Variants in ZCCHC4 observed in about 807,000 individuals in gnomAD.
The protein encoded by ZCCHC4 is zinc finger CCHC-type containing 4, also known as rRNA N(6)-adenosine-methyltransferase ZCCHC4.
ZCCHC4 carries 54 observed loss-of-function variants against 67.7 expected under a neutral mutation model. The observed-to-expected ratio is 0.80, with a 90% confidence interval of 0.64 to 1.00. The LOEUF (loss-of-function observed/expected upper bound fraction) is 1.00, where lower values mean the gene tolerates loss of function less well. Ranked by LOEUF, ZCCHC4 falls within the 50% of genes least tolerant of loss-of-function variation. ZCCHC4 has a pLI of 0.00. For synonymous variants in ZCCHC4, 198 were observed against 213.5 expected (o/e 0.93, Z 0.63); for missense variants, 609 against 617.0 (o/e 0.99, Z 0.14).
At chr4:25,317,103 T>G (rs1171913511) in intron 3 of ZCCHC4, among the ~76,000 whole-genome samples, 1 of 152,222 alleles carries the variant, frequency 6.6e-6, no homozygotes, top group African/African-American at 2.4e-5. Flanking sequence ...TGGGAGAAGC[T>G]CCTTAAAAAG....
chr4:25,313,281 T>C (rs1028612308), intron 1 of ZCCHC4, among the ~76,000 whole-genome samples: 1 of 152,144 alleles, frequency 6.6e-6, no homozygotes, highest in Non-Finnish European at 1.5e-5. Flanking sequence ...AATAAAAAAT[T>C]AGGGAGAAAA....
At chr4:25,340,542 G>A (rs1313574525) in intron 5 of ZCCHC4, among the ~76,000 whole-genome samples, 2 of 152,114 alleles carry the variant, frequency 1.3e-5, no homozygotes, top group Non-Finnish European at 2.9e-5. Context: ...AGCCAGCTGA[G>A]ATTTTTAAAG....
chr4:25,323,093 C>T (rs947965814), intron 3 of ZCCHC4, among the ~76,000 whole-genome samples: 9 of 152,332 alleles, frequency 5.9e-5, no homozygotes, highest in Middle Eastern at 3.4e-3. Context: ...TATTAGCCGG[C>T]AATAAACCAT....
At chr4:25,356,547 G>T (rs1272844341) in intron 8 of ZCCHC4, among the ~76,000 whole-genome samples, 1 of 151,798 alleles carries the variant, frequency 6.6e-6, no homozygotes, top group South Asian at 2.1e-4. Flanking sequence ...TAACCATAAA[G>T]AAATTGTTCT....
At chr4:25,366,674 C>T (rs143221117) in intron 12 of ZCCHC4, among the ~76,000 whole-genome samples, 1,555 of 152,286 alleles carry the variant, frequency 0.01, 16 homozygotes, top group South Asian at 0.025. Flanking sequence ...AATACAACTT[C>T]ATAATCATAT....
intron 5 of ZCCHC4, among the ~76,000 whole-genome samples, chr4:25,338,825 C>T (rs2109070431): frequency 6.6e-6 from 1 of 152,226 alleles, no homozygotes; most frequent in East Asian, 1.9e-4. Context: ...GAGTTGCTTC[C>T]ACTTTTTGGC....
chr4:25,349,588 C>T lies in ZCCHC4; in HGVS notation c.856C>T (p.Leu286=), dbSNP rs1409552527. The stretch of plus-strand genomic sequence containing the variant: ...TCCGTTTGGTGGCTTGGTTGAACCT[C>T]TGGCTATTACATTCAAGAAGTTAAT... ...DPPFGGLVEP[L]AITFKKLIAM... Residue 286 remains leucine, a synonymous_variant, in exon 7 of 13, where the codon CTG becomes TTG. Transcript: ENST00000302874. 4 of 1,613,898 alleles carry T rather than the reference C, an allele frequency of 2.5e-6. No individual in the cohort carries two copies. Among genetic ancestry groups the T allele is most frequent in the Non-Finnish European group, 2.5e-6 (3 of 1,179,922 alleles).
Position 25,365,241 on chromosome 4 carries a change from A to G in ZCCHC4, c.1406+75A>G, listed in dbSNP as rs531834466. On this transcript the variant is annotated intron_variant, in intron 12 of 12. Coordinates refer to ENST00000302874, the MANE Select transcript of ZCCHC4 (RefSeq NM_024936.3). ...AGGATAATCCACAAAAGCATGCAAC[A>G]TTCAGAGGATCTTGAAGTGCCAAGT... 14 of 1,575,634 alleles carry G rather than the reference A, an allele frequency of 8.9e-6. No individual in the cohort carries two copies. The South Asian group carries it at 1.4e-4, about 16-fold the overall frequency.
chr4:25,354,184 C>T (rs779491908), intron 8 of ZCCHC4, among the ~76,000 whole-genome samples: 1 of 152,130 alleles, frequency 6.6e-6, no homozygotes, highest in Non-Finnish European at 1.5e-5. Context: ...CAGAATACAG[C>T]AGATGAGAGA....
intron 5 of ZCCHC4, 124 bp from the exon 6 acceptor site, chr4:25,345,424 C>A: frequency 3.0e-6 from 2 of 657,006 alleles, no homozygotes; most frequent in South Asian, 1.8e-5. Context: ...GCAAATTATT[C>A]TTTATTTCAA....
At chr4:25,339,365 C>T (rs1465004153) in intron 5 of ZCCHC4, among the ~76,000 whole-genome samples, 1 of 152,174 alleles carries the variant, frequency 6.6e-6, no homozygotes, top group African/African-American at 2.4e-5. Context: ...AACAGCCAAA[C>T]TATTTTCCAA....
chr4:25,350,548 G>A (rs893820735), intron 7 of ZCCHC4, among the ~76,000 whole-genome samples: 17 of 152,010 alleles, frequency 1.1e-4, no homozygotes, highest in African/African-American at 1.9e-4. Context: ...GATTACAGGC[G>A]TGACTTAGGA....
chr4:25,359,601 AG>A lies in ZCCHC4; in HGVS notation c.1012-2253del, dbSNP rs1435191704. On this transcript the variant is annotated intron_variant, in intron 8 of 12. Coordinates refer to ENST00000302874, the MANE Select transcript of ZCCHC4 (RefSeq NM_024936.3). This position sits in a 1 kb window ranked among gnomAD's most constrained non-coding sequence, Gnocchi z 4.9. ...GCAGGGGTGCCCCCAATGGGAGAAA[AG>A]GGGGTCCCAATGAGTGACATGCTCA... 1.3e-5 allele frequency among the ~76,000 whole-genome samples: 2 copies of A among 152,304 alleles called. No individual in the cohort carries two copies. The highest frequency in any genetic ancestry group is 3.9e-4 in the East Asian group (2 of 5,178).
intron 6 of ZCCHC4, 121 bp from the exon 7 acceptor site, chr4:25,349,371 A>G: frequency 1.1e-6 from 1 of 888,914 alleles, no homozygotes; most frequent in Admixed American, 2.6e-5. Flanking sequence ...CTGCGGTGGC[A>G]AGATGACTTG....
intron 12 of ZCCHC4, among the ~76,000 whole-genome samples, chr4:25,367,420 C>G (rs1191847190): frequency 6.6e-6 from 1 of 152,058 alleles, no homozygotes; most frequent in Non-Finnish European, 1.5e-5. Flanking sequence ...TACCGTATCC[C>G]CTAGTGAAAG....
intron 5 of ZCCHC4, among the ~76,000 whole-genome samples, chr4:25,344,989 G>A (rs1429207324): frequency 6.6e-6 from 1 of 151,826 alleles, no homozygotes; most frequent in Admixed American, 6.6e-5. Flanking sequence ...TTTTTGTAGA[G>A]GCAGGATTTT....
At chr4:25,367,557 AATC>A (rs1309217909) in intron 12 of ZCCHC4, among the ~76,000 whole-genome samples, 12 of 152,188 alleles carry the variant, frequency 7.9e-5, no homozygotes, top group African/African-American at 2.9e-4. Flanking sequence ...AAGTTTGCTA[AATC>A]ATCACTTATC....
In ZCCHC4 at chr4:25,335,555, T is replaced by A. The variant is rs539151494; in HGVS notation, c.686+1567T>A. The stretch of plus-strand genomic sequence containing the variant: ...GCAGGTGGATTACTTGAGTCAGGAG[T>A]TCAAAACCAGCCTGGGCAACATGGT... On this transcript the variant is annotated intron_variant, in intron 5 of 12. Coordinates refer to ENST00000302874, the MANE Select transcript of ZCCHC4 (RefSeq NM_024936.3). Among the ~76,000 whole-genome samples, 490 of 151,598 alleles carry A rather than the reference T, an allele frequency of 3.2e-3. 1 individual carries two copies. Among genetic ancestry groups the A allele is most frequent in the African/African-American group, 0.011 (473 of 41,290 alleles).
intron 12 of ZCCHC4, chr4:25,365,367 C>A (rs1009541625): frequency 7.6e-5 from 104 of 1,374,586 alleles, no homozygotes; most frequent in Non-Finnish European, 3.2e-5. Flanking sequence ...TACAGTTCTA[C>A]AGCTTAGAGA....
Sources: gnomAD v4.1 joint callset for allele counts (sites outside exome capture counted in the v4.1 genomes callset) on GRCh38, gnomAD v4.1.1 for gene constraint, Gnocchi (gnomAD v3.1) non-coding constraint, MANE v1.5 for transcripts, NCBI Gene and HGNC (gene_info 2026-07-23, HGNC 2026-07-21) for gene names.